The following TOPAZ1 variants were observed in gnomAD, a reference collection of about 807,000 sequenced individuals.
TOPAZ1 encodes the protein testis and ovary specific TOPAZ 1.
In TOPAZ1, 66 loss-of-function variants were observed where a neutral mutation model predicts 172.2. That is an observed-to-expected ratio of 0.38 (90% CI 0.31 to 0.47). TOPAZ1 has a LOEUF of 0.47. Among genes scored for constraint, TOPAZ1 ranks in the 20% least tolerant of loss-of-function variants. The pLI is 0.99. For missense variants in TOPAZ1, 1,822 were observed against 1,972.4 expected (o/e 0.92, Z 1.44); for synonymous variants, 681 against 683.9 (o/e 1.00, Z 0.07).
At chr3:44,314,009 A>C (rs948483696) in intron 16 of TOPAZ1, among the ~76,000 whole-genome samples, 3 of 152,186 alleles carry the variant, frequency 2.0e-5, no homozygotes, top group African/African-American at 7.2e-5. Flanking sequence ...TGATAGGGCA[A>C]AAGTTATTCA....
chr3:44,305,528 C>A (rs963973268), intron 14 of TOPAZ1, among the ~76,000 whole-genome samples: 9 of 152,016 alleles, frequency 5.9e-5, no homozygotes, highest in African/African-American at 2.2e-4. Flanking sequence ...TATCACTACA[C>A]TCAGCTAATT....
intron 12 of TOPAZ1, 150 bp from the exon 13 acceptor site, chr3:44,303,864 CT>C: frequency 2.1e-5 from 9 of 422,032 alleles, no homozygotes; most frequent in South Asian, 9.5e-5. Flanking sequence ...ATATAGCTGC[CT>C]TTTTTTCAGC....
At chr3:44,266,479 G>T (rs1699831504) in intron 5 of TOPAZ1, among the ~76,000 whole-genome samples, 1 of 152,162 alleles carries the variant, frequency 6.6e-6, no homozygotes, top group African/African-American at 2.4e-5. Flanking sequence ...TAAAGTGATA[G>T]ATGTGATACT....
At position 44,251,233 on chromosome 3, in the gene TOPAZ1, A is replaced by G. The variant is rs933876895; in HGVS notation, c.2766-3735A>G. On this transcript the variant is annotated intron_variant, in intron 2 of 19. Coordinates refer to ENST00000309765, the MANE Select transcript of TOPAZ1 (RefSeq NM_001145030.2). ...CCTACCAGGCTCAAACGATGCTCAC[A>G]CCTCAGCCTTCCAAGTAGCTGGGGC... Among the ~76,000 whole-genome samples the G allele has an allele frequency of 2.6e-5, 4 of 151,898 alleles. No individual in the cohort carries two copies. In the East Asian group the frequency reaches 7.7e-4, roughly 29 times the overall value.
chr3:44,246,525 C>T (rs1297514528), intron 2 of TOPAZ1, among the ~76,000 whole-genome samples: 1 of 152,038 alleles, frequency 6.6e-6, no homozygotes, highest in Non-Finnish European at 1.5e-5. Flanking sequence ...TGTCTATGTG[C>T]CAAATGGAGA....
rs1003567346 is a variant in TOPAZ1 at position 44,241,910 on chromosome 3, C to T, written c.-144C>T. 67 of 802,010 alleles carry T rather than the reference C, an allele frequency of 8.4e-5. No homozygotes were observed. Among genetic ancestry groups the T allele is most frequent in the Admixed American group, 4.8e-4 (15 of 31,320 alleles). The allele number at this position is 802,010 out of a possible 1,614,324, so 49.7% of individuals were successfully genotyped here. ...CACTTCCGCTTACGCGCCCCACTTC[C>T]GCTTCCGGCCCCGGGCTGTGGTGAC... On this transcript the variant is annotated 5_prime_UTR_variant, in exon 1 of 20. Coordinates refer to ENST00000309765, the MANE Select transcript of TOPAZ1 (RefSeq NM_001145030.2).
At chr3:44,297,214 A>C (rs1320198975) in intron 12 of TOPAZ1, among the ~76,000 whole-genome samples, 1 of 152,002 alleles carries the variant, frequency 6.6e-6, no homozygotes, top group African/African-American at 2.4e-5. Flanking sequence ...AATTAGTATT[A>C]TCTCTCCTGA....
chr3:44,319,580 CAG>C (rs1700487783), intron 16 of TOPAZ1, among the ~76,000 whole-genome samples: 4 of 152,158 alleles, frequency 2.6e-5, no homozygotes. Context: ...TTATGTTTAA[CAG>C]ATGATCATAC....
chr3:44,246,649 C>G (rs1006757811), intron 2 of TOPAZ1, among the ~76,000 whole-genome samples: 15 of 152,182 alleles, frequency 9.9e-5, no homozygotes, highest in African/African-American at 1.4e-4. Context: ...GATCACACTC[C>G]TAGTAACAGA....
rs531160194 is a variant in TOPAZ1, at chr3:44,262,857, G to A, written c.3020+374G>A. On this transcript the variant is annotated intron_variant, in intron 5 of 19. Transcript: ENST00000309765. ...TACTAAGAGTTATAGCACACCCACT[G>A]GAACATATAAAACCACCACATTTGG... 1.2e-3 allele frequency among the ~76,000 whole-genome samples: 178 copies of A among 152,246 alleles called. 1 individual carries two copies. The highest frequency in any genetic ancestry group is 3.9e-3 in the African/African-American group (162 of 41,548).
intron 12 of TOPAZ1, among the ~76,000 whole-genome samples, chr3:44,300,972 A>C (rs1264653414): frequency 6.6e-6 from 1 of 152,214 alleles, no homozygotes; most frequent in Non-Finnish European, 1.5e-5. Flanking sequence ...AATGTGCAAC[A>C]AATTGGATTG....
At chr3:44,268,366 C>CTTTTTTTTTTTTTTT (rs34027226) in intron 6 of TOPAZ1, among the ~76,000 whole-genome samples, 2 of 67,472 alleles carry the variant, frequency 3.0e-5, no homozygotes, top group African/African-American at 1.1e-4. Flanking sequence ...GGTGCCTATT[C>CTTTTTTTTTTTTTTT]TTTTTTTTTT....
intron 9 of TOPAZ1, among the ~76,000 whole-genome samples, chr3:44,286,506 A>G (rs905113222): frequency 6.6e-6 from 1 of 152,198 alleles, no homozygotes; most frequent in Non-Finnish European, 1.5e-5. Flanking sequence ...ATATTGTTAT[A>G]CCATATTATT....
At chr3:44,319,843 A>G (rs1416821857) in intron 16 of TOPAZ1, among the ~76,000 whole-genome samples, 1 of 152,208 alleles carries the variant, frequency 6.6e-6, no homozygotes, top group Non-Finnish European at 1.5e-5. Context: ...TATTTGAATT[A>G]TCAACTTTTT....
At chr3:44,303,129 A>G (rs937407089) in intron 12 of TOPAZ1, among the ~76,000 whole-genome samples, 12 of 152,192 alleles carry the variant, frequency 7.9e-5, no homozygotes, top group African/African-American at 2.9e-4. Context: ...CACCTCACAC[A>G]GGCTGTCTAT....
At chr3:44,305,045 A>G in intron 13 of TOPAZ1, 102 bp from the exon 14 acceptor site, 2 of 793,692 alleles carry the variant, frequency 2.5e-6, no homozygotes, top group East Asian at 2.9e-5. Flanking sequence ...TAATTTATGT[A>G]TATCTAATGC....
chr3:44,286,202 G>C (rs147317963), intron 9 of TOPAZ1, among the ~76,000 whole-genome samples: 1 of 152,010 alleles, frequency 6.6e-6, no homozygotes, highest in Non-Finnish European at 1.5e-5. Flanking sequence ...GTGACAGAGC[G>C]ATACTCTGTC....
At chr3:44,276,257 C>A (rs922656608) in intron 8 of TOPAZ1, among the ~76,000 whole-genome samples, 1 of 152,108 alleles carries the variant, frequency 6.6e-6, no homozygotes, top group East Asian at 1.9e-4. Context: ...GCCATAAAAT[C>A]TTTGCCTAGA....
At chr3:44,293,130 T>C (rs1239712749) in intron 12 of TOPAZ1, among the ~76,000 whole-genome samples, 1 of 152,252 alleles carries the variant, frequency 6.6e-6, no homozygotes, top group Non-Finnish European at 1.5e-5. Flanking sequence ...ACTACTCATA[T>C]GTTTGTGGTG....
Sources: gnomAD v4.1 joint callset for allele counts (sites outside exome capture counted in the v4.1 genomes callset) on GRCh38, gnomAD v4.1.1 for gene constraint, MANE v1.5 for transcripts, NCBI Gene and HGNC (gene_info 2026-07-23, HGNC 2026-07-21) for gene names.